CD180: variants seen among roughly 807,000 people sequenced by gnomAD.
CD180 encodes the protein CD180 molecule, also known as CD180 antigen.
A neutral mutation model predicts 10.7 loss-of-function variants in CD180; 11 were observed. That is an observed-to-expected ratio of 1.03 (90% CI 0.65 to 1.70). CD180 has a LOEUF of 1.70. Among genes scored for constraint, CD180 ranks in the 40% most tolerant of loss-of-function variants. The pLI is 0.00. For missense variants in CD180, 729 were observed against 775.2 expected (o/e 0.94, Z 0.71); for synonymous variants, 286 against 294.6 (o/e 0.97, Z 0.30).
At chr5:67,188,493 GC>G (rs1742243833) in intron 1 of CD180, among the ~76,000 whole-genome samples, 1 of 152,112 alleles carries the variant, frequency 6.6e-6, no homozygotes, top group Admixed American at 6.6e-5. Context: ...TCCAGCCCCT[GC>G]CTTTCCTTGA....
At chr5:67,195,384 T>G (rs1742380648) in intron 1 of CD180, among the ~76,000 whole-genome samples, 1 of 152,080 alleles carries the variant, frequency 6.6e-6, no homozygotes, top group Non-Finnish European at 1.5e-5. Context: ...GCCCAGCTAA[T>G]ATTTGTATTT....
chr5:67,184,269 C>G lies in CD180; in HGVS notation c.574G>C (p.Asp192His). 1.2e-6 allele frequency: 2 copies of G among 1,614,010 alleles called. No individual in the cohort carries two copies. The highest frequency in any genetic ancestry group is 1.1e-5 in the South Asian group (1 of 91,082). Residue 192 changes from aspartate (D) to histidine (H), a missense_variant, in exon 3 of 3, where the codon GAC becomes CAC. Coordinates refer to ENST00000256447, the MANE Select transcript of CD180 (RefSeq NM_005582.3). ...NNAIHYISREDMRSLEQAINL... is the reference protein window; with the variant it reads ...NNAIHYISREHMRSLEQAINL... ...ATGGCCTGCTCCAGAGACCTCATGT[C>G]TTCTCTAGAGATGTAGTGTATAGCA...
chr5:67,184,353 T>C lies in CD180; in HGVS notation c.490A>G (p.Ile164Val). 6.2e-7 allele frequency: 1 copy of C among 1,614,198 alleles called. No homozygotes were observed. Among genetic ancestry groups the C allele is most frequent in the Non-Finnish European group, 8.5e-7 (1 of 1,180,016 alleles). Residue 164 changes from isoleucine (I) to valine (V), a missense_variant, in exon 3 of 3, where the codon ATT becomes GTT. Coordinates refer to ENST00000256447, the MANE Select transcript of CD180 (RefSeq NM_005582.3). ...LYLGSNHISSIKFPKDFPARN... is the reference protein window; with the variant it reads ...LYLGSNHISSVKFPKDFPARN... ...GCTGGGAAGTCTTTGGGGAACTTAA[T>C]GGAGGAAATATGGTTGCTTCCAAGA...
chr5:67,191,893 T>C (rs529885816), intron 1 of CD180, among the ~76,000 whole-genome samples: 20 of 152,338 alleles, frequency 1.3e-4, no homozygotes, highest in Admixed American at 3.3e-4. Context: ...AAATTAATCT[T>C]GACTCCTACT....
Position 67,196,719 on chromosome 5 carries a change from A to G in CD180, c.-78T>C. 6 of 1,569,204 alleles carry G rather than the reference A, an allele frequency of 3.8e-6. No homozygotes were observed. The South Asian group carries it at 6.7e-5, about 18-fold the overall frequency. On this transcript the variant is annotated 5_prime_UTR_variant, in exon 1 of 3. Transcript: ENST00000256447. ...GAATCAAACTGTGAAGGCCCTGGCA[A>G]TTTGGCAGCCAGAGAGGTACTCAGA... is the stretch of plus-strand genomic sequence containing the variant.
rs1742047879 is a variant in CD180 at position 67,181,512 on chromosome 5, A to C, written c.*1345T>G. 6.6e-6 allele frequency: 1 copy of C among 152,352 alleles called. No individual in the cohort carries two copies. Among genetic ancestry groups the C allele is most frequent in the South Asian group, 2.1e-4 (1 of 4,826 alleles). 9.4% of individuals were successfully genotyped at this position (152,352 alleles called of 1,614,324 possible). ...TTTCACTCTGTTATGATGTCCCACT[A>C]GTATGCCTTCAACTTAAGGACTAAT... On this transcript the variant is annotated 3_prime_UTR_variant, in exon 3 of 3. Coordinates refer to ENST00000256447, the MANE Select transcript of CD180 (RefSeq NM_005582.3).
Position 67,196,764 on chromosome 5 carries a change from A to G in CD180, c.-123T>C. 1 of 1,264,056 alleles carries G rather than the reference A, an allele frequency of 7.9e-7. No homozygotes were observed. Among genetic ancestry groups the G allele is most frequent in the Non-Finnish European group, 1.1e-6 (1 of 908,898 alleles). 78.3% of individuals were successfully genotyped at this position (1,264,056 alleles called of 1,614,324 possible). On this transcript the variant is annotated 5_prime_UTR_variant, in exon 1 of 3. Coordinates refer to ENST00000256447, the MANE Select transcript of CD180 (RefSeq NM_005582.3). Reference sequence around the variant, plus strand: ...CTCAGAAGGGTGATCTTGGAACAAGAAATGCTGTTGACTGCTCAGCATTCT... The same window carrying G: ...CTCAGAAGGGTGATCTTGGAACAAGGAATGCTGTTGACTGCTCAGCATTCT...
intron 1 of CD180, 32 bp from the exon 2 acceptor site, chr5:67,186,049 G>C: frequency 7.2e-7 from 1 of 1,380,804 alleles, no homozygotes; most frequent in Non-Finnish European, 9.8e-7. Flanking sequence ...ATTAATATTA[G>C]ACTTAATAAT....
chr5:67,193,369 G>A (rs1742344761), intron 1 of CD180, among the ~76,000 whole-genome samples: 1 of 152,308 alleles, frequency 6.6e-6, no homozygotes, highest in South Asian at 2.1e-4. Context: ...AAAAGCAAGA[G>A]TTTATTCTTT....
Position 67,196,598 on chromosome 5 carries a change from G to A in CD180, c.44C>T (p.Ser15Phe). Residue 15 changes from serine (S) to phenylalanine (F), a missense_variant, in exon 1 of 3, where the codon TCT (serine) becomes TTT (phenylalanine). By Grantham distance (155) the Ser-to-Phe change is radical. Coordinates refer to ENST00000256447, the MANE Select transcript of CD180 (RefSeq NM_005582.3). Reference sequence around the variant, plus strand: ...GGAGGTGATGACTTTACAGCCGGCAGAAAACAGCACCACCCAAAAGAAGCA... The same window carrying A: ...GGAGGTGATGACTTTACAGCCGGCAAAAAACAGCACCACCCAAAAGAAGCA... ...VSCFFWVVLF[S>F]AGCKVITSWD... 1 of 1,614,010 alleles carries A rather than the reference G, an allele frequency of 6.2e-7. No individual in the cohort carries two copies. The highest frequency in any genetic ancestry group is 8.5e-7 in the Non-Finnish European group (1 of 1,179,976).
chr5:67,192,667 A>G (rs1742332270), intron 1 of CD180, among the ~76,000 whole-genome samples: 1 of 152,062 alleles, frequency 6.6e-6, no homozygotes, highest in Admixed American at 6.6e-5. Context: ...TATCACCAAG[A>G]CAGCACCAAG....
rs747590823 is a variant in CD180, at chr5:67,196,570, C to T, written c.72G>A (p.Trp24Ter). The change falls in exon 1 of 3, where the codon TGG becomes TGA. Residue 24 changes from tryptophan (W) to a stop codon, truncating the protein, a stop_gained. Transcript: ENST00000256447. LOFTEE classifies it high-confidence loss of function. ...FSAGCKVITS[W>*]DQMCIEKEAN... is the part of the protein sequence containing the mutation. ...GACTCACCTCAATGCACATCTGATC[C>T]CAGGAGGTGATGACTTTACAGCCGG... 3.7e-6 allele frequency: 6 copies of T among 1,613,850 alleles called. No homozygotes were observed. In the South Asian group the frequency reaches 4.4e-5, roughly 12 times the overall value.
intron 1 of CD180, 128 bp downstream of exon 1, chr5:67,196,424 T>C: frequency 1.3e-6 from 1 of 785,788 alleles, no homozygotes; most frequent in South Asian, 2.2e-5. Context: ...GAAAAAATTA[T>C]ATATACACCT....
At position 67,184,168 on chromosome 5, in the gene CD180, T is replaced by C. The variant is rs749764415; in HGVS notation, c.675A>G (p.Gln225=). 1 of 1,614,146 alleles carries C rather than the reference T, an allele frequency of 6.2e-7. No individual in the cohort carries two copies. The highest frequency in any genetic ancestry group is 1.7e-5 in the Admixed American group (1 of 60,026). Residue 225 remains glutamine (Q), a synonymous_variant, in exon 3 of 3, where the codon CAA becomes CAG. Transcript: ENST00000256447. ...TTGGAGTTCCTCCAAAGTTCAAACTTTGGAAGATCGTTGAATCAAAAGCCC... is the reference window on the plus strand; with the variant it reads ...TTGGAGTTCCTCCAAAGTTCAAACTCTGGAAGATCGTTGAATCAAAAGCCC... ...ELGAFDSTIF[Q]SLNFGGTPNL...
At position 67,182,988 on chromosome 5, in the gene CD180, A is replaced by G. The variant is rs775679457; in HGVS notation, c.1855T>C (p.Ser619Pro). Residue 619 changes from serine to proline, a missense_variant, in exon 3 of 3, where the codon TCT (serine) becomes CCT (proline). Ser to Pro is a moderately conservative substitution (Grantham distance 74). Coordinates refer to ENST00000256447, the MANE Select transcript of CD180 (RefSeq NM_005582.3). ...ATCCCACAGGAAAGCTTGACATCAG[A>G]TAGCTTAACTCCCCTTAGAGATGGC... ...NPPSLRGVKLSDVKLSCGITA... is the reference protein window; with the variant it reads ...NPPSLRGVKLPDVKLSCGITA... 7 of 1,614,250 alleles carry G rather than the reference A, an allele frequency of 4.3e-6. No homozygotes were observed. The South Asian group carries it at 7.7e-5, about 18-fold the overall frequency.
At position 67,182,728 on chromosome 5, in the gene CD180, C is replaced by G; in HGVS notation, c.*129G>C. ...CAGGAGTAAGAAGCTCAGAAAAGCA[C>G]AGTGAGTCCCTGCCCAGTTCCAGGA... On this transcript the variant is annotated 3_prime_UTR_variant, in exon 3 of 3. Transcript: ENST00000256447. 3 of 703,864 alleles carry G rather than the reference C, an allele frequency of 4.3e-6. No homozygotes were observed. In the South Asian group the frequency reaches 6.1e-5, roughly 14 times the overall value. The allele number at this position is 703,864 out of a possible 1,614,324, so 43.6% of individuals were successfully genotyped here. A position where few individuals can be genotyped will look rare whatever the true frequency, so the allele number is the denominator to read the frequency against.
At position 67,183,184 on chromosome 5, in the gene CD180, G is replaced by T. The variant is rs1319727273; in HGVS notation, c.1659C>A (p.Asn553Lys). 5 of 1,611,634 alleles carry T rather than the reference G, an allele frequency of 3.1e-6. No homozygotes were observed. Among genetic ancestry groups the T allele is most frequent in the Non-Finnish European group, 4.2e-6 (5 of 1,178,186 alleles). The change falls in exon 3 of 3, where the codon AAC (asparagine) becomes AAA (lysine). Residue 553 changes from asparagine (N) to lysine (K), a missense_variant. Transcript: ENST00000256447. ...GACGGGGTGAGATGATGTTAATGCTGTTGGCAGCCAGATTGAGGTAGATTC... is the reference window on the plus strand; with the variant it reads ...GACGGGGTGAGATGATGTTAATGCTTTTGGCAGCCAGATTGAGGTAGATTC... Reference protein sequence around the residue: ...LKGIYLNLAANSINIISPRLL... With the variant: ...LKGIYLNLAAKSINIISPRLL...
At chr5:67,196,204 G>T (rs1320538885) in intron 1 of CD180, among the ~76,000 whole-genome samples, 1 of 152,196 alleles carries the variant, frequency 6.6e-6, no homozygotes, top group African/African-American at 2.4e-5. Flanking sequence ...GAGGCCATGT[G>T]AGAGTGGGGA....
At position 67,186,684 on chromosome 5, in the gene CD180, C is replaced by T. The variant is rs192568311; in HGVS notation, c.91-667G>A. Among the ~76,000 whole-genome samples the T allele has an allele frequency of 1.2e-3, 187 of 152,234 alleles. 1 individual carries two copies. Among genetic ancestry groups the T allele is most frequent in the African/African-American group, 4.3e-3 (178 of 41,530 alleles). ...AAGACAATCAAACATTACATACTTTCGTATGTGAGACAATGTGAGGTATAC... is the reference window on the plus strand; with the variant it reads ...AAGACAATCAAACATTACATACTTTTGTATGTGAGACAATGTGAGGTATAC... On this transcript the variant is annotated intron_variant, in intron 1 of 2. Coordinates refer to ENST00000256447, the MANE Select transcript of CD180 (RefSeq NM_005582.3).
Sources: gnomAD v4.1 joint callset for allele counts (sites outside exome capture counted in the v4.1 genomes callset) on GRCh38, gnomAD v4.1.1 for gene constraint, MANE v1.5 for transcripts, NCBI Gene and HGNC (gene_info 2026-07-23, HGNC 2026-07-21) for gene names.